CCR7: variants seen among roughly 807,000 people sequenced by gnomAD.
CCR7 encodes the protein C-C motif chemokine receptor 7.
In CCR7, 11 loss-of-function variants were observed where a neutral mutation model predicts 26.0. That is an observed-to-expected ratio of 0.42 (90% confidence interval 0.27 to 0.70). The LOEUF (loss-of-function observed/expected upper bound fraction) is 0.70, where lower values mean the gene tolerates loss of function less well. Ranked by LOEUF, CCR7 falls within the 30% of genes least tolerant of loss-of-function variation. The pLI is 0.23. For missense variants in CCR7, 360 were observed against 504.0 expected, an observed-to-expected ratio of 0.71 and a Z score of 2.74; for synonymous variants, 189 against 202.1, an observed-to-expected ratio of 0.94 and a Z score of 0.55.
chr17:40,554,622 G>T lies in CCR7; in HGVS notation c.*120C>A. 1.3e-6 allele frequency: 1 copy of T among 770,998 alleles called. No individual in the cohort carries two copies. 47.8% of individuals were successfully genotyped at this position (770,998 alleles called of 1,614,324 possible). A position where few individuals can be genotyped will look rare whatever the true frequency, so the allele number is the denominator to read the frequency against. ...GGAGCAGGGGCTTGCACTCTGAGGG[G>T]AGAGCTGCTTTTCCCTGAGCAGCTT... On this transcript the variant is annotated 3_prime_UTR_variant, in exon 3 of 3. Coordinates refer to ENST00000246657, the MANE Select transcript of CCR7 (RefSeq NM_001838.4).
At position 40,555,207 on chromosome 17, in the gene CCR7, C is replaced by G. The variant is rs769043644; in HGVS notation, c.672G>C (p.Gln224His). ...TEHVEAFITI[Q>H]VAQMVIGFLV... Reference sequence around the variant, plus strand: ...GAAAGCCGATCACCATCTGGGCCACCTGGATGGTGATAAAGGCCTCCACAT... The same window carrying G: ...GAAAGCCGATCACCATCTGGGCCACGTGGATGGTGATAAAGGCCTCCACAT... Residue 224 changes from glutamine to histidine, a missense_variant, in exon 3 of 3, where the codon CAG becomes CAC. Physicochemically the swap from Gln to His is conservative, Grantham distance 24. Transcript: ENST00000246657. This position sits in a 1 kb window ranked among gnomAD's most constrained non-coding sequence, Gnocchi z 5.6. 1.2e-5 allele frequency: 20 copies of G among 1,614,006 alleles called. No homozygotes were observed. The highest frequency in any genetic ancestry group is 5.5e-5 in the South Asian group (5 of 91,082).
rs1289277492 is a variant in CCR7, at chr17:40,554,354, C to G, written c.*388G>C. Reference sequence around the variant, plus strand: ...GAAGAGCTGGTCTGAGCATTTGAGTCTGTGGGAGGCCAGAAGGTTCATTCA... The same window carrying G: ...GAAGAGCTGGTCTGAGCATTTGAGTGTGTGGGAGGCCAGAAGGTTCATTCA... On this transcript the variant is annotated 3_prime_UTR_variant, in exon 3 of 3. Transcript: ENST00000246657. 4 of 181,728 alleles carry G rather than the reference C, an allele frequency of 2.2e-5. No homozygotes were observed. The East Asian group carries it at 6.1e-4, about 28-fold the overall frequency. The allele number at this position is 181,728 out of a possible 1,614,324, so 11.3% of individuals were successfully genotyped here.
chr17:40,554,859 G>T lies in CCR7; in HGVS notation c.1020C>A (p.Leu340=). The change falls in exon 3 of 3, where the codon CTC becomes CTA. Residue 340 remains leucine, a synonymous_variant. Coordinates refer to ENST00000246657, the MANE Select transcript of CCR7 (RefSeq NM_001838.4). ...GGCTGAGGCAGCCCAGGTCCTTGAA[G>T]AGCTTGAAGAGATCGTTGCGGAACT... ...GVKFRNDLFK[L]FKDLGCLSQE... 6.2e-7 allele frequency: 1 copy of T among 1,614,226 alleles called. No homozygotes were observed. Among genetic ancestry groups the T allele is most frequent in the Admixed American group, 1.7e-5 (1 of 60,034 alleles).
Position 40,555,848 on chromosome 17 carries a change from C to T in CCR7, c.61-30G>A, listed in dbSNP as rs201773065. 2.4e-5 allele frequency: 36 copies of T among 1,520,422 alleles called. No individual in the cohort carries two copies. In the Middle Eastern group the frequency reaches 6.8e-4, roughly 29 times the overall value. 94.2% of individuals were successfully genotyped at this position (1,520,422 alleles called of 1,614,324 possible). A position where few individuals can be genotyped will look rare whatever the true frequency, so the allele number is the denominator to read the frequency against. The stretch of plus-strand genomic sequence containing the variant: ...GGGGAAGGAAATGAGGGAAAACAGG[C>T]CAGTTTAGCTGGGTGGCTCCAACTC... On this transcript the variant is annotated intron_variant, in intron 2 of 2. Coordinates refer to ENST00000246657, the MANE Select transcript of CCR7 (RefSeq NM_001838.4). The surrounding 1 kb of genome is among the most constrained non-coding windows in gnomAD (Gnocchi z 5.6).
chr17:40,564,288 G>C (rs2036684642), intron 1 of CCR7, among the ~76,000 whole-genome samples: 1 of 152,232 alleles, frequency 6.6e-6, no homozygotes, highest in Non-Finnish European at 1.5e-5. Context: ...CACAGTCAGT[G>C]GGTGGGGTGA....
At chr17:40,558,509 C>T (rs1020910136) in intron 2 of CCR7, among the ~76,000 whole-genome samples, 2 of 152,246 alleles carry the variant, frequency 1.3e-5, no homozygotes, top group South Asian at 4.1e-4. Flanking sequence ...GTAACAAGAT[C>T]GCCAGATCCA....
At chr17:40,565,163 C>A (rs2036696120) in intron 1 of CCR7, among the ~76,000 whole-genome samples, 1 of 152,082 alleles carries the variant, frequency 6.6e-6, no homozygotes, top group Non-Finnish European at 1.5e-5. Context: ...CCTCCCTTGT[C>A]CCCACTGGCA....
At position 40,555,189 on chromosome 17, in the gene CCR7, G is replaced by T; in HGVS notation, c.690C>A (p.Ile230=). The T allele has an allele frequency of 6.2e-7, 1 of 1,614,112 alleles. No homozygotes were observed. Among genetic ancestry groups the T allele is most frequent in the South Asian group, 1.1e-5 (1 of 91,074 alleles). The part of the protein sequence containing the change: ...FITIQVAQMV[I]GFLVPLLAMS... Reference sequence around the variant, plus strand: ...TGGCCAGCAGGGGGACCAGAAAGCCGATCACCATCTGGGCCACCTGGATGG... The same window carrying T: ...TGGCCAGCAGGGGGACCAGAAAGCCTATCACCATCTGGGCCACCTGGATGG... Residue 230 remains isoleucine (I), a synonymous_variant, in exon 3 of 3, where the codon ATC becomes ATA. Transcript: ENST00000246657. The surrounding 1 kb of genome is among the most constrained non-coding windows in gnomAD (Gnocchi z 5.6).
chr17:40,558,418 T>C (rs1237750252), intron 2 of CCR7, among the ~76,000 whole-genome samples: 1 of 152,110 alleles, frequency 6.6e-6, no homozygotes, highest in Non-Finnish European at 1.5e-5. Flanking sequence ...GATGGGTCTC[T>C]ATTTCACCAA....
chr17:40,560,462 C>G (rs1022304025), intron 1 of CCR7, among the ~76,000 whole-genome samples: 4 of 152,222 alleles, frequency 2.6e-5, no homozygotes, highest in Non-Finnish European at 4.4e-5. Context: ...CTGCTGGAAG[C>G]CTCCCTGCAT....
chr17:40,556,181 C>A (rs1443026242), intron 2 of CCR7, among the ~76,000 whole-genome samples: 1 of 152,114 alleles, frequency 6.6e-6, no homozygotes, highest in East Asian at 1.9e-4. Flanking sequence ...CACCTGGGAA[C>A]TTGTTAGGAA....
In CCR7 at chr17:40,563,370, C is replaced by T. The variant is rs147847055; in HGVS notation, c.10+2030G>A. Among the ~76,000 whole-genome samples the T allele has an allele frequency of 4.4e-3, 673 of 152,290 alleles. 6 individuals carry two copies. Among genetic ancestry groups the T allele is most frequent in the African/African-American group, 0.016 (646 of 41,552 alleles). Reference sequence around the variant, plus strand: ...CCATTTATGTCCGAGCTGTGAGGCACACATCTCTCATGGGTTCATTTTTTC... The same window carrying T: ...CCATTTATGTCCGAGCTGTGAGGCATACATCTCTCATGGGTTCATTTTTTC... On this transcript the variant is annotated intron_variant, in intron 1 of 2. Coordinates refer to ENST00000246657, the MANE Select transcript of CCR7 (RefSeq NM_001838.4).
Position 40,555,900 on chromosome 17 carries a change from G to GTT in CCR7, c.61-84_61-83dup. On this transcript the variant is annotated intron_variant, in intron 2 of 2. Transcript: ENST00000246657. The surrounding 1 kb of genome is among the most constrained non-coding windows in gnomAD (Gnocchi z 5.6). The stretch of plus-strand genomic sequence containing the variant: ...GGCTGGGATTTAGCCTAGAGCAGTG[G>GTT]TTTCTTTCTTTTTTTTTTTTCTTGA... The GTT allele has an allele frequency of 1.1e-6, 1 of 943,526 alleles. No homozygotes were observed. The highest frequency in any genetic ancestry group is 1.6e-6 in the Non-Finnish European group (1 of 617,102). 58.4% of individuals were successfully genotyped at this position (943,526 alleles called of 1,614,324 possible). A position where few individuals can be genotyped will look rare whatever the true frequency, so the allele number is the denominator to read the frequency against.
Position 40,555,852 on chromosome 17 carries a change from T to C in CCR7, c.61-34A>G. On this transcript the variant is annotated intron_variant, in intron 2 of 2. Coordinates refer to ENST00000246657, the MANE Select transcript of CCR7 (RefSeq NM_001838.4). The surrounding 1 kb of genome is among the most constrained non-coding windows in gnomAD (Gnocchi z 5.6). ...AAGGAAATGAGGGAAAACAGGCCAG[T>C]TTAGCTGGGTGGCTCCAACTCTGGC... 6.8e-7 allele frequency: 1 copy of C among 1,479,818 alleles called. No homozygotes were observed. Among genetic ancestry groups the C allele is most frequent in the Non-Finnish European group, 9.4e-7 (1 of 1,066,036 alleles). The allele number at this position is 1,479,818 out of a possible 1,614,324, so 91.7% of individuals were successfully genotyped here. A position where few individuals can be genotyped will look rare whatever the true frequency, so the allele number is the denominator to read the frequency against.
chr17:40,563,871 A>G (rs1428270384), intron 1 of CCR7, among the ~76,000 whole-genome samples: 1 of 152,122 alleles, frequency 6.6e-6, no homozygotes, highest in Non-Finnish European at 1.5e-5. Flanking sequence ...CTTGAAATCA[A>G]TCAGCCAGGG....
chr17:40,554,544 G>A lies in CCR7; in HGVS notation c.*198C>T. 1 of 622,464 alleles carries A rather than the reference G, an allele frequency of 1.6e-6. No individual in the cohort carries two copies. Among genetic ancestry groups the A allele is most frequent in the Admixed American group, 2.8e-5 (1 of 35,760 alleles). 38.6% of individuals were successfully genotyped at this position (622,464 alleles called of 1,614,324 possible). ...TGTCTGGTGTTAGCTTATCAGCCCT[G>A]TCTTTTTTTGGCATTGGTTGAGGTA... On this transcript the variant is annotated 3_prime_UTR_variant, in exon 3 of 3. Coordinates refer to ENST00000246657, the MANE Select transcript of CCR7 (RefSeq NM_001838.4).
At chr17:40,560,173 G>C (rs2036638427) in intron 1 of CCR7, among the ~76,000 whole-genome samples, 1 of 152,212 alleles carries the variant, frequency 6.6e-6, no homozygotes, top group Non-Finnish European at 1.5e-5. Flanking sequence ...TGAGCAGGGA[G>C]GACAGTTGAC....
chr17:40,563,874 A>T (rs1325508798), intron 1 of CCR7, among the ~76,000 whole-genome samples: 1 of 152,158 alleles, frequency 6.6e-6, no homozygotes, highest in East Asian at 1.9e-4. Context: ...GAAATCAATC[A>T]GCCAGGGTGG....
rs370573331 is a variant in CCR7 at position 40,560,430 on chromosome 17, G to T, written c.11-1488C>A. 7.2e-5 allele frequency among the ~76,000 whole-genome samples: 11 copies of T among 152,306 alleles called. No homozygotes were observed. The South Asian group carries it at 2.3e-3, about 32-fold the overall frequency. ...GAAGCAGTGAGAGCCCAGCGCTTCC[G>T]TGTCCTTGGCCACAGCACCACCTGC... is the stretch of plus-strand genomic sequence containing the variant. On this transcript the variant is annotated intron_variant, in intron 1 of 2. Transcript: ENST00000246657.
Sources: allele counts gnomAD v4.1 joint callset (sites outside exome capture counted in the v4.1 genomes callset), GRCh38; gene constraint gnomAD v4.1.1; non-coding constraint Gnocchi (gnomAD v3.1); transcripts MANE v1.5; gene names NCBI Gene and HGNC (gene_info 2026-07-23, HGNC 2026-07-21).